MPP7: variants seen among roughly 807,000 people sequenced by gnomAD.
The protein encoded by MPP7 is MAGUK p55 subfamily member 7.
A neutral mutation model predicts 76.5 loss-of-function variants in MPP7; 60 were observed. The observed-to-expected ratio is 0.78, with a 90% CI of 0.64 to 0.97. MPP7 has a LOEUF of 0.97. Ranked by LOEUF, MPP7 falls within the 50% of genes least tolerant of loss-of-function variation. The probability of loss-of-function intolerance (pLI) is 0.00; values close to 1 mark genes in which losing one functional copy is unlikely to be tolerated. For synonymous variants in MPP7, 237 were observed against 244.5 expected, an observed-to-expected ratio of 0.97 and a Z score of 0.29; for missense variants, 641 against 694.0, an observed-to-expected ratio of 0.92 and a Z score of 0.86.
At chr10:28,104,546 C>T (rs994103144) in intron 11 of MPP7, among the ~76,000 whole-genome samples, 1 of 152,116 alleles carries the variant, frequency 6.6e-6, no homozygotes, top group Non-Finnish European at 1.5e-5. Flanking sequence ...AGATAATTTT[C>T]TCAAGCTATT....
intron 1 of MPP7, among the ~76,000 whole-genome samples, chr10:28,267,056 T>C (rs1160872300): frequency 6.6e-6 from 1 of 152,338 alleles, no homozygotes; most frequent in East Asian, 1.9e-4. Flanking sequence ...TATGCGTTAG[T>C]TCGGGGGCCT....
intron 1 of MPP7, among the ~76,000 whole-genome samples, chr10:28,280,926 T>C (rs1840651057): frequency 1.3e-5 from 2 of 152,024 alleles, no homozygotes; most frequent in Admixed American, 1.3e-4. Context: ...CATTCCTGTG[T>C]CTGACTAGAG....
chr10:28,155,278 T>C (rs1836014227), intron 3 of MPP7, among the ~76,000 whole-genome samples: 1 of 152,246 alleles, frequency 6.6e-6, no homozygotes, highest in Admixed American at 6.5e-5. Context: ...CTTAAGACTT[T>C]ATTCAGTAAA....
intron 2 of MPP7, among the ~76,000 whole-genome samples, chr10:28,203,878 G>C (rs1837862079): frequency 6.6e-6 from 1 of 152,156 alleles, no homozygotes. Flanking sequence ...CATGATAAAA[G>C]TTGTCAGGAG....
At chr10:28,202,044 C>T (rs1837788244) in intron 3 of MPP7, 109 bp downstream of exon 3, 1 of 759,888 alleles carries the variant, frequency 1.3e-6, no homozygotes, top group African/African-American at 1.7e-5. Flanking sequence ...TGGAACAAGG[C>T]TGTTTTGTTT....
At chr10:28,102,227 T>G (rs541795311) in intron 11 of MPP7, among the ~76,000 whole-genome samples, 1 of 152,252 alleles carries the variant, frequency 6.6e-6, no homozygotes, top group East Asian at 1.9e-4. Flanking sequence ...ACTGCAGCCT[T>G]GAACTCCTGG....
At chr10:28,324,868 G>A (rs1366729654) in intron 2 of MPP7, among the ~76,000 whole-genome samples, 3 of 152,158 alleles carry the variant, frequency 2.0e-5, no homozygotes, top group African/African-American at 7.2e-5. Context: ...AGTTGAAGAA[G>A]CTGAAGCATG....
chr10:28,087,258 G>A (rs1342832811), intron 12 of MPP7, among the ~76,000 whole-genome samples: 1 of 152,154 alleles, frequency 6.6e-6, no homozygotes. Flanking sequence ...AGTCAAAGCA[G>A]CATGAGGCCC....
chr10:28,193,758 G>C (rs979572170), intron 3 of MPP7, among the ~76,000 whole-genome samples: 2 of 151,870 alleles, frequency 1.3e-5, no homozygotes, highest in East Asian at 1.9e-4. Context: ...AATCTGAATA[G>C]ACACCTCAGC....
At chr10:28,060,051 T>C (rs200188775) in intron 13 of MPP7, among the ~76,000 whole-genome samples, 2 of 87,676 alleles carry the variant, frequency 2.3e-5, no homozygotes, top group African/African-American at 1.4e-4. Flanking sequence ...GAAAAAAACC[T>C]TTTTTTTTTT....
upstream of MPP7, among the ~76,000 whole-genome samples, chr10:28,334,817 C>T (rs1186064709): frequency 6.6e-6 from 1 of 152,106 alleles, no homozygotes; most frequent in Non-Finnish European, 1.5e-5. Flanking sequence ...CTTTCTCACC[C>T]TTCCAAAATC....
In MPP7 at chr10:28,246,307, GA is replaced by G. The variant is rs141431806; in HGVS notation, c.-131-7573del. On this transcript the variant is annotated intron_variant, in intron 1 of 16. Coordinates refer to ENST00000683449, the MANE Select transcript of MPP7 (RefSeq NM_001318170.2). The stretch of plus-strand genomic sequence containing the variant: ...AGTAAGATGATACAATCAAAGTGGT[GA>G]AAAAAAAAATCTGCCAATCAAGAAG... 4.0e-4 allele frequency among the ~76,000 whole-genome samples: 59 copies of G among 149,144 alleles called. 2 individuals are homozygous for G. The East Asian group carries it at 8.0e-3, about 20-fold the overall frequency.
At chr10:28,204,233 A>G (rs1199039651) in intron 2 of MPP7, among the ~76,000 whole-genome samples, 4 of 152,184 alleles carry the variant, frequency 2.6e-5, no homozygotes, top group Non-Finnish European at 5.9e-5. Flanking sequence ...ACTTAAGGTC[A>G]GAAGTTCAAG....
At chr10:28,248,873 G>T (rs893530483) in intron 1 of MPP7, among the ~76,000 whole-genome samples, 1 of 152,158 alleles carries the variant, frequency 6.6e-6, no homozygotes, top group Non-Finnish European at 1.5e-5. Flanking sequence ...GTTTGCCTAA[G>T]TGCACTCTAG....
At chr10:28,078,696 T>C (rs1215221658) in intron 12 of MPP7, among the ~76,000 whole-genome samples, 2 of 152,312 alleles carry the variant, frequency 1.3e-5, no homozygotes, top group East Asian at 3.9e-4. Flanking sequence ...TTGTATTACG[T>C]GAAGGTCTTG....
chr10:28,288,962 TCTTAGCTCAG>T (rs1840849467), intron 1 of MPP7, among the ~76,000 whole-genome samples: 3 of 152,014 alleles, frequency 2.0e-5, no homozygotes, highest in Admixed American at 2.0e-4. Flanking sequence ...ACTTTTTCCT[TCTTAGCTCAG>T]CACATACCTC....
At chr10:28,060,944 C>G (rs1049154835) in intron 13 of MPP7, among the ~76,000 whole-genome samples, 2 of 152,162 alleles carry the variant, frequency 1.3e-5, no homozygotes, top group Non-Finnish European at 2.9e-5. Context: ...AAGAACTGAG[C>G]TGAGATCTGA....
intron 3 of MPP7, among the ~76,000 whole-genome samples, chr10:28,153,695 G>C (rs1835956964): frequency 6.6e-6 from 1 of 151,954 alleles, no homozygotes; most frequent in Non-Finnish European, 1.5e-5. Flanking sequence ...ACATACAATA[G>C]AACTTTTAAA....
At chr10:28,253,733 T>C (rs897429051) in intron 1 of MPP7, among the ~76,000 whole-genome samples, 4 of 151,992 alleles carry the variant, frequency 2.6e-5, no homozygotes, top group African/African-American at 9.7e-5. Flanking sequence ...CGGTGGCTCA[T>C]GCCTGTAATC....
Sources: gnomAD v4.1 joint callset for allele counts (sites outside exome capture counted in the v4.1 genomes callset) on GRCh38, gnomAD v4.1.1 for gene constraint, MANE v1.5 for transcripts, NCBI Gene and HGNC (gene_info 2026-07-23, HGNC 2026-07-21) for gene names.